CHCHD6: variants seen among roughly 807,000 people sequenced by gnomAD.
CHCHD6 encodes MICOS complex subunit MIC25.
CHCHD6 carries 28 observed loss-of-function variants against 32.3 expected under a neutral mutation model. The ratio of observed to expected loss-of-function variants is 0.87; its 90% confidence interval spans 0.64 to 1.19. The LOEUF (loss-of-function observed/expected upper bound fraction) is 1.19. Among genes scored for constraint, CHCHD6 ranks in the 50% most tolerant of loss-of-function variants. The pLI is 0.00. For missense variants in CHCHD6, 333 were observed against 307.0 expected, an observed-to-expected ratio of 1.08 and a Z score of -0.63; for synonymous variants, 122 against 117.5, an observed-to-expected ratio of 1.04 and a Z score of -0.25.
intron 5 of CHCHD6, among the ~76,000 whole-genome samples, chr3:126,868,228 C>A (rs902781655): frequency 5.9e-5 from 9 of 152,230 alleles, no homozygotes; most frequent in Non-Finnish European, 1.0e-4. Context: ...AGCAGCTCTG[C>A]AGTCAGGACA....
At chr3:126,888,259 C>T (rs1218311182) in intron 5 of CHCHD6, among the ~76,000 whole-genome samples, 3 of 151,648 alleles carry the variant, frequency 2.0e-5, no homozygotes, top group African/African-American at 7.3e-5. Context: ...ATCTCAGCTT[C>T]TTTTTAGAGT....
In CHCHD6 at chr3:126,960,200, G is replaced by C. The variant is rs757873828; in HGVS notation, c.707G>C (p.Ter236SerextTer15). 1 of 1,551,488 alleles carries C rather than the reference G, an allele frequency of 6.4e-7. No homozygotes were observed. The highest frequency in any genetic ancestry group is 8.7e-7 in the Non-Finnish European group (1 of 1,146,864). Residue 236 changes from the stop codon to serine (S), a stop_lost, in exon 8 of 8, where the codon TGA (stop) becomes TCA (serine). Coordinates refer to ENST00000290913, the MANE Select transcript of CHCHD6 (RefSeq NM_032343.3). ...QRCVSAAHKG[*>S] ...TCTGACCTGTTCTCTTTGTAGGGCT[G>C]AGGAGCAGACATCATTCCCTGCCCT...
chr3:126,738,219 C>T (rs530273481), intron 4 of CHCHD6, among the ~76,000 whole-genome samples: 7 of 152,264 alleles, frequency 4.6e-5, no homozygotes, highest in East Asian at 1.9e-4. Context: ...TCCCTGTCCA[C>T]GGGTTTCCGT....
intron 4 of CHCHD6, among the ~76,000 whole-genome samples, chr3:126,811,766 T>C (rs1428513153): frequency 2.0e-5 from 3 of 152,182 alleles, no homozygotes; most frequent in African/African-American, 7.2e-5. Flanking sequence ...TTTAGCTCCT[T>C]CCTCAAAGGG....
At chr3:126,892,459 A>G (rs999777176) in intron 5 of CHCHD6, among the ~76,000 whole-genome samples, 1 of 152,178 alleles carries the variant, frequency 6.6e-6, no homozygotes, top group East Asian at 1.9e-4. Flanking sequence ...CAGGGTGCTC[A>G]CAACTTCACA....
chr3:126,813,204 G>A (rs1280968935), intron 4 of CHCHD6, among the ~76,000 whole-genome samples: 1 of 152,134 alleles, frequency 6.6e-6, no homozygotes, highest in African/African-American at 2.4e-5. Context: ...AGGACCTTGG[G>A]CAAGTCATGC....
At chr3:126,853,473 G>A (rs1227152307) in intron 5 of CHCHD6, among the ~76,000 whole-genome samples, 3 of 152,106 alleles carry the variant, frequency 2.0e-5, no homozygotes, top group African/African-American at 4.8e-5. Context: ...GCAAATCTTC[G>A]CAAATCATTT....
intron 4 of CHCHD6, among the ~76,000 whole-genome samples, chr3:126,769,809 G>C (rs958213215): frequency 5.3e-5 from 8 of 152,018 alleles, no homozygotes; most frequent in East Asian, 3.9e-4. Flanking sequence ...CCTGGCCCAG[G>C]CTCTTTTTTG....
intron 4 of CHCHD6, among the ~76,000 whole-genome samples, chr3:126,756,213 C>T (rs1412815701): frequency 6.6e-6 from 1 of 152,104 alleles, no homozygotes; most frequent in African/African-American, 2.4e-5. Flanking sequence ...GAATCTGGGG[C>T]TGGGGAAGGT....
intron 5 of CHCHD6, among the ~76,000 whole-genome samples, chr3:126,883,377 G>T (rs987473903): frequency 6.6e-6 from 1 of 152,210 alleles, no homozygotes; most frequent in African/African-American, 2.4e-5. Flanking sequence ...CAACTTGTGG[G>T]ATCTGCCACT....
At chr3:126,871,942 G>A (rs1480657775) in intron 5 of CHCHD6, among the ~76,000 whole-genome samples, 3 of 151,986 alleles carry the variant, frequency 2.0e-5, no homozygotes, top group African/African-American at 4.8e-5. Flanking sequence ...TGGGATCACA[G>A]GCATGAACCA....
chr3:126,863,417 T>C (rs1005352789), intron 5 of CHCHD6, among the ~76,000 whole-genome samples: 187 of 15,448 alleles, frequency 0.012, no homozygotes, highest in Middle Eastern at 0.12. Context: ...TCTACCATCA[T>C]CACCTCCTCC....
intron 5 of CHCHD6, among the ~76,000 whole-genome samples, chr3:126,880,645 G>A (rs966932227): frequency 3.3e-5 from 5 of 152,114 alleles, no homozygotes; most frequent in Non-Finnish European, 7.4e-5. Flanking sequence ...CACTATCTGG[G>A]GGACAAATTC....
intron 4 of CHCHD6, among the ~76,000 whole-genome samples, chr3:126,768,442 G>C (rs1937466008): frequency 6.6e-6 from 1 of 152,112 alleles, no homozygotes; most frequent in African/African-American, 2.4e-5. Context: ...CTGTGCAGCA[G>C]AACTGCGAGC....
At chr3:126,710,368 G>A (rs187155316) in intron 1 of CHCHD6, among the ~76,000 whole-genome samples, 53 of 152,240 alleles carry the variant, frequency 3.5e-4, no homozygotes, top group Admixed American at 2.7e-3. Flanking sequence ...AAATTGGGAC[G>A]TGTAAGGCCT....
At chr3:126,709,087 T>G (rs1934635003) in intron 1 of CHCHD6, among the ~76,000 whole-genome samples, 1 of 152,232 alleles carries the variant, frequency 6.6e-6, no homozygotes, top group South Asian at 2.1e-4. Context: ...ACACTGTAAA[T>G]TTTGTGTAAA....
At chr3:126,959,799 GA>G (rs1339075554) in intron 7 of CHCHD6, among the ~76,000 whole-genome samples, 1 of 152,200 alleles carries the variant, frequency 6.6e-6, no homozygotes, top group Non-Finnish European at 1.5e-5. Context: ...GCTGAGCTGT[GA>G]AAAATCAGAG....
chr3:126,856,714 G>T (rs1029394047), intron 5 of CHCHD6, among the ~76,000 whole-genome samples: 1 of 152,198 alleles, frequency 6.6e-6, no homozygotes, highest in African/African-American at 2.4e-5. Context: ...GTGCTGGGTG[G>T]CTCTGAAGAA....
At chr3:126,763,502 GTTTA>G (rs1416101954) in intron 4 of CHCHD6, among the ~76,000 whole-genome samples, 3 of 151,894 alleles carry the variant, frequency 2.0e-5, no homozygotes, top group African/African-American at 7.3e-5. Context: ...GTTTTTGTTT[GTTTA>G]TTTGTTTGTA....
Sources: allele counts gnomAD v4.1 joint callset (sites outside exome capture counted in the v4.1 genomes callset), GRCh38; gene constraint gnomAD v4.1.1; transcripts MANE v1.5; gene names NCBI Gene and HGNC (gene_info 2026-07-23, HGNC 2026-07-21).